The following UBXN8 variants were observed in gnomAD, a reference collection of about 807,000 sequenced individuals.
UBXN8 encodes UBX domain protein 8.
Under a neutral mutation model 32.1 loss-of-function variants are expected in UBXN8, and 27 were observed. The observed-to-expected ratio is 0.84, with a 90% CI of 0.62 to 1.16. UBXN8 has a LOEUF of 1.16. UBXN8 is among the 50% of genes most tolerant of loss of function. The probability of loss-of-function intolerance (pLI) is 0.00; values close to 1 mark genes in which losing one functional copy is unlikely to be tolerated. For missense variants in UBXN8, 306 were observed against 311.4 expected (o/e 0.98, Z 0.13); for synonymous variants, 109 against 111.8 (o/e 0.98, Z 0.16).
chr8:30,748,910 T>G (rs183955358), intron 1 of UBXN8, among the ~76,000 whole-genome samples: 110 of 152,332 alleles, frequency 7.2e-4, no homozygotes, highest in African/African-American at 2.5e-3. Flanking sequence ...TTGATCACGT[T>G]GGATTCCTCT....
rs749248654 is a variant in UBXN8 at position 30,738,969 on chromosome 8, TTTG to T, written c.622+5671_622+5673del. Reference sequence around the variant, plus strand: ...GAAACTCCATCTCAAAAAAGGCTTTTTTGTTGTTGTTGCTGCTGTATGATTCAT... The same window carrying T: ...GAAACTCCATCTCAAAAAAGGCTTTTTTGTTGTTGCTGCTGTATGATTCAT... On this transcript the variant is annotated intron_variant, in intron 1 of 1. Transcript: ENST00000522968. Among the ~76,000 whole-genome samples, 153 of 150,654 alleles carry T rather than the reference TTTG, an allele frequency of 1.0e-3. 7 individuals carry two copies. Among genetic ancestry groups the T allele is most frequent in the East Asian group, 3.7e-3 (19 of 5,074 alleles).
upstream of UBXN8, among the ~76,000 whole-genome samples, chr8:30,741,236 G>A (rs1805191952): frequency 6.6e-6 from 1 of 151,784 alleles, no homozygotes; most frequent in African/African-American, 2.4e-5. Context: ...AAATAAAAAA[G>A]TTAGCCAGGC....
At chr8:30,744,970 T>A (rs143115326) in intron 1 of UBXN8, among the ~76,000 whole-genome samples, 171 of 152,306 alleles carry the variant, frequency 1.1e-3, no homozygotes, top group African/African-American at 4.1e-3. Flanking sequence ...TATTATCTCA[T>A]TTAATCTGCA....
intron 7 of UBXN8, among the ~76,000 whole-genome samples, chr8:30,765,470 C>T (rs1281435439): frequency 2.0e-5 from 3 of 151,240 alleles, no homozygotes; most frequent in East Asian, 2.0e-4. Context: ...GACTGGGTTT[C>T]GCCATCTTAC....
intron 1 of UBXN8, among the ~76,000 whole-genome samples, chr8:30,749,459 G>T (rs914642187): frequency 6.6e-6 from 1 of 151,124 alleles, no homozygotes. Context: ...TTTTTCCTCC[G>T]CAAGCATGTA....
intron 1 of UBXN8, among the ~76,000 whole-genome samples, chr8:30,735,937 A>G (rs1805062361): frequency 6.6e-6 from 1 of 152,236 alleles, no homozygotes; most frequent in Non-Finnish European, 1.5e-5. Flanking sequence ...GTGTCACCCG[A>G]AAGGTGGTGA....
intron 5 of UBXN8, among the ~76,000 whole-genome samples, chr8:30,759,683 G>T (rs1805772265): frequency 6.6e-6 from 1 of 151,730 alleles, no homozygotes; most frequent in South Asian, 2.1e-4. Context: ...TGGGCCGGGT[G>T]TGGTGGCTCA....
chr8:30,748,157 A>T (rs1400467323), intron 1 of UBXN8, among the ~76,000 whole-genome samples: 1 of 149,388 alleles, frequency 6.7e-6, no homozygotes, highest in Non-Finnish European at 1.5e-5. Flanking sequence ...ATGGAGTCTC[A>T]CTCTGTCACC....
chr8:30,739,129 G>A (rs955501508), intron 1 of UBXN8, among the ~76,000 whole-genome samples: 5 of 150,728 alleles, frequency 3.3e-5, no homozygotes, highest in Non-Finnish European at 7.4e-5. Flanking sequence ...TGGTGGTGAG[G>A]GTAGAAAGTG....
intron 1 of UBXN8, among the ~76,000 whole-genome samples, chr8:30,745,163 G>A (rs1805330715): frequency 6.6e-6 from 1 of 152,218 alleles, no homozygotes; most frequent in African/African-American, 2.4e-5. Context: ...AAGTTGACAA[G>A]TGGTGATGAT....
chr8:30,757,135 A>G (rs961200698), intron 5 of UBXN8, among the ~76,000 whole-genome samples: 3 of 151,856 alleles, frequency 2.0e-5, no homozygotes, highest in African/African-American at 7.3e-5. Flanking sequence ...CCTGGCCAAC[A>G]TGGTGAAACC....
chr8:30,749,679 C>T (rs1336562028), intron 1 of UBXN8, among the ~76,000 whole-genome samples: 1 of 150,756 alleles, frequency 6.6e-6, no homozygotes, highest in East Asian at 2.0e-4. Flanking sequence ...GATCTTGGCT[C>T]ACTGCAAGCT....
At chr8:30,739,144 G>T (rs1805135266) in intron 1 of UBXN8, among the ~76,000 whole-genome samples, 1 of 150,594 alleles carries the variant, frequency 6.6e-6, no homozygotes, top group African/African-American at 2.4e-5. Context: ...AAAGTGAGGT[G>T]GTTTGGCTGT....
chr8:30,765,020 A>G (rs553569803), intron 7 of UBXN8, among the ~76,000 whole-genome samples: 5 of 152,240 alleles, frequency 3.3e-5, no homozygotes, highest in Non-Finnish European at 7.3e-5. Context: ...ACTGCACTCC[A>G]GTCTGGGAGA....
At chr8:30,741,294 G>A (rs970501805), upstream of UBXN8, among the ~76,000 whole-genome samples, 1 of 152,076 alleles carries the variant, frequency 6.6e-6, no homozygotes, top group Non-Finnish European at 1.5e-5. Context: ...GCTGAGGCAG[G>A]AGGACTGCTT....
chr8:30,749,591 C>T (rs563313464), intron 1 of UBXN8, among the ~76,000 whole-genome samples: 40 of 138,480 alleles, frequency 2.9e-4, no homozygotes, highest in Admixed American at 2.1e-3. Context: ...GAATTTGACA[C>T]GATATTTTCT....
chr8:30,746,776 G>A (rs372329863), intron 1 of UBXN8, among the ~76,000 whole-genome samples: 1 of 138,606 alleles, frequency 7.2e-6, no homozygotes, highest in Non-Finnish European at 1.5e-5. Context: ...CACCCGCCTC[G>A]GCCTCCCAAA....
chr8:30,729,995 C>A (rs557757411), upstream of UBXN8, among the ~76,000 whole-genome samples: 7 of 152,312 alleles, frequency 4.6e-5, no homozygotes, highest in Non-Finnish European at 1.0e-4. Flanking sequence ...TTCTGTTCGA[C>A]CCAACATCAG....
chr8:30,756,332 A>G (rs766347454), intron 4 of UBXN8: 25 of 159,444 alleles, frequency 1.6e-4, no homozygotes, highest in Non-Finnish European at 3.3e-4. Context: ...TTTAGTAGAG[A>G]TGGGATTTCA....
Sources: allele counts gnomAD v4.1 joint callset (sites outside exome capture counted in the v4.1 genomes callset), GRCh38; gene constraint gnomAD v4.1.1; transcripts MANE v1.5; gene names NCBI Gene and HGNC (gene_info 2026-07-23, HGNC 2026-07-21).